ANKRD27: variants seen among roughly 807,000 people sequenced by gnomAD.
ANKRD27 encodes the protein ankyrin repeat domain 27.
A neutral mutation model predicts 129.7 loss-of-function variants in ANKRD27; 112 were observed. That is an observed-to-expected ratio of 0.86 (90% CI 0.74 to 1.01). ANKRD27 has a LOEUF of 1.01. Among genes scored for constraint, ANKRD27 ranks in the 50% least tolerant of loss-of-function variants. The pLI, the probability that ANKRD27 is intolerant of heterozygous loss-of-function variation, is 0.00. For synonymous variants in ANKRD27, 516 were observed against 511.2 expected, an observed-to-expected ratio of 1.01 and a Z score of -0.13; for missense variants, 1,258 against 1,300.5, an observed-to-expected ratio of 0.97 and a Z score of 0.50.
chr19:32,648,717 G>A (rs530551502), intron 3 of ANKRD27, among the ~76,000 whole-genome samples: 79 of 151,188 alleles, frequency 5.2e-4, no homozygotes, highest in Non-Finnish European at 3.5e-4. Context: ...GGAGAATGGC[G>A]TGAACCTGGG....
intron 9 of ANKRD27, among the ~76,000 whole-genome samples, chr19:32,642,686 G>A (rs1003904019): frequency 2.6e-5 from 4 of 151,950 alleles, no homozygotes; most frequent in East Asian, 1.9e-4. Flanking sequence ...GCAGTGAGCC[G>A]AGATCACACC....
chr19:32,625,115 G>A (rs1972069494), intron 17 of ANKRD27, among the ~76,000 whole-genome samples: 1 of 151,672 alleles, frequency 6.6e-6, no homozygotes, highest in South Asian at 2.1e-4. Flanking sequence ...AATTAGCTGG[G>A]TGTGGTGGCA....
chr19:32,631,520 A>G, intron 12 of ANKRD27, 26 bp from the exon 13 acceptor site: 1 of 1,588,478 alleles, frequency 6.3e-7, no homozygotes, highest in Admixed American at 1.7e-5. Flanking sequence ...CAAACACACC[A>G]CGAGATGTCA....
chr19:32,673,239 T>C, intron 1 of ANKRD27: 1 of 954,570 alleles, frequency 1.0e-6, no homozygotes, highest in Non-Finnish European at 1.2e-6. Flanking sequence ...CTTGGGAATG[T>C]AAGTCTATCC....
chr19:32,614,675 CTCTA>C (rs1408443453), intron 22 of ANKRD27, among the ~76,000 whole-genome samples: 4 of 151,642 alleles, frequency 2.6e-5, no homozygotes, highest in African/African-American at 9.7e-5. Context: ...CAGAGCAAGG[CTCTA>C]TCTCAAAAAA....
At chr19:32,643,706 C>A (rs1316361365) in intron 5 of ANKRD27, 75 bp from the exon 6 acceptor site, 2 of 1,467,682 alleles carry the variant, frequency 1.4e-6, no homozygotes, top group Non-Finnish European at 9.5e-7. Context: ...GCGGGTAAGG[C>A]GCACAGAGCT....
At chr19:32,652,576 G>A (rs1007988115) in intron 2 of ANKRD27, among the ~76,000 whole-genome samples, 1 of 151,674 alleles carries the variant, frequency 6.6e-6, no homozygotes, top group Admixed American at 6.6e-5. Context: ...ACTCCATCCC[G>A]GGGGTAGGGT....
chr19:32,602,957 A>T (rs1163267640), intron 25 of ANKRD27, among the ~76,000 whole-genome samples: 1 of 152,120 alleles, frequency 6.6e-6, no homozygotes, highest in Admixed American at 6.6e-5. Flanking sequence ...ATCATTTAAG[A>T]AAGTACTAAA....
At chr19:32,600,230 C>A (rs2145253698) in intron 26 of ANKRD27, 180 bp from the exon 27 acceptor site, 2 of 501,980 alleles carry the variant, frequency 4.0e-6, no homozygotes, top group Middle Eastern at 5.5e-4. Context: ...TATCTCCAAT[C>A]CAAAAATCTA....
Position 32,653,534 on chromosome 19 carries a change from A to C in ANKRD27, c.103-3742T>G, listed in dbSNP as rs79232331. The stretch of plus-strand genomic sequence containing the variant: ...TAATTAGCCGGATAGTTGTAAGCAC[A>C]GAGGTGACTTTTAGAAGCAGTGGGG... On this transcript the variant is annotated intron_variant, in intron 2 of 28. Coordinates refer to ENST00000306065, the MANE Select transcript of ANKRD27 (RefSeq NM_032139.3). Among the ~76,000 whole-genome samples, 2,646 of 152,260 alleles carry C rather than the reference A, an allele frequency of 0.017. 137 individuals are homozygous for C. The East Asian group carries it at 0.21, about 12-fold the overall frequency.
intron 1 of ANKRD27, among the ~76,000 whole-genome samples, chr19:32,662,995 T>A (rs1400867539): frequency 6.6e-6 from 1 of 152,148 alleles, no homozygotes; most frequent in African/African-American, 2.4e-5. Context: ...TGAGCCGAGA[T>A]CACGCCACTT....
At chr19:32,627,077 G>A (rs1042946249) in intron 15 of ANKRD27, among the ~76,000 whole-genome samples, 1 of 152,170 alleles carries the variant, frequency 6.6e-6, no homozygotes, top group Non-Finnish European at 1.5e-5. Flanking sequence ...ATGGAAAAGA[G>A]ACTTAGACTT....
intron 2 of ANKRD27, 115 bp downstream of exon 2, chr19:32,658,799 G>T: frequency 1.1e-6 from 1 of 911,254 alleles, no homozygotes; most frequent in Non-Finnish European, 1.8e-6. Flanking sequence ...CAAGCACACT[G>T]CTGGGAGCTT....
rs755188252 is a variant in ANKRD27 at position 32,640,348 on chromosome 19, T to C, written c.942A>G (p.Ser314=). 6.2e-7 allele frequency: 1 copy of C among 1,613,988 alleles called. No homozygotes were observed. The part of the protein sequence containing the change: ...LETMCADDLL[S]VLLYLLVKTE... ...TTTTCACAAGCAAGTATAACAGGAC[T>C]GATAGCAGATCATCAGCACACATGG... Residue 314 remains serine (S), a synonymous_variant, in exon 11 of 29, where the codon TCA becomes TCG. Coordinates refer to ENST00000306065, the MANE Select transcript of ANKRD27 (RefSeq NM_032139.3).
intron 12 of ANKRD27, among the ~76,000 whole-genome samples, chr19:32,634,690 C>T (rs59824436): frequency 0.073 from 11,072 of 152,104 alleles, 1,335 homozygotes; most frequent in African/African-American, 0.25. Flanking sequence ...CTGAGGCAGG[C>T]GGATCACTTG....
intron 1 of ANKRD27, among the ~76,000 whole-genome samples, chr19:32,673,999 A>T (rs1453270968): frequency 3.4e-5 from 5 of 148,630 alleles, no homozygotes; most frequent in African/African-American, 9.8e-5. Context: ...AAAAAAAAAA[A>T]ATTAAAAATT....
At chr19:32,667,221 A>T (rs904904603) in intron 1 of ANKRD27, among the ~76,000 whole-genome samples, 15 of 152,268 alleles carry the variant, frequency 9.9e-5, no homozygotes, top group Non-Finnish European at 7.3e-5. Context: ...CCTAGGTAAC[A>T]TGCTGCACGG....
intron 1 of ANKRD27, among the ~76,000 whole-genome samples, 197 bp from the exon 2 acceptor site, chr19:32,659,242 C>T (rs1599772964): frequency 6.6e-6 from 1 of 151,432 alleles, no homozygotes; most frequent in Admixed American, 6.6e-5. Flanking sequence ...CCACCACACC[C>T]GCGAATTTTT....
intron 1 of ANKRD27, among the ~76,000 whole-genome samples, chr19:32,671,303 A>G (rs911206560): frequency 6.6e-6 from 1 of 152,110 alleles, no homozygotes; most frequent in Admixed American, 6.6e-5. Context: ...AAAAAAAGTA[A>G]TAATCTCATA....
Sources: gnomAD v4.1 joint callset for allele counts (sites outside exome capture counted in the v4.1 genomes callset) on GRCh38, gnomAD v4.1.1 for gene constraint, MANE v1.5 for transcripts, NCBI Gene and HGNC (gene_info 2026-07-23, HGNC 2026-07-21) for gene names.